The following SCTR variants were observed in gnomAD, a reference collection of about 807,000 sequenced individuals.
SCTR encodes pancreatic secretin receptor.
SCTR carries 56 observed loss-of-function variants against 60.8 expected under a neutral mutation model. The ratio of observed to expected loss-of-function variants is 0.92; its 90% confidence interval spans 0.74 to 1.15. The LOEUF (loss-of-function observed/expected upper bound fraction) is 1.15. Among genes scored for constraint, SCTR ranks in the 50% most tolerant of loss-of-function variants. The pLI, the probability that SCTR is intolerant of heterozygous loss-of-function variation, is 0.00. For missense variants in SCTR, 562 were observed against 550.4 expected, an observed-to-expected ratio of 1.02 and a Z score of -0.21; for synonymous variants, 202 against 217.0, an observed-to-expected ratio of 0.93 and a Z score of 0.61.
At chr2:119,499,357 A>T (rs1166579160) in intron 1 of SCTR, among the ~76,000 whole-genome samples, 1 of 152,088 alleles carries the variant, frequency 6.6e-6, no homozygotes, top group African/African-American at 2.4e-5. Context: ...AAACACCATT[A>T]ACAAAGACAA....
chr2:119,517,841 G>A lies in SCTR; in HGVS notation c.72+6314C>T, dbSNP rs567212209. Among the ~76,000 whole-genome samples the A allele has an allele frequency of 2.6e-5, 4 of 152,308 alleles. No individual in the cohort carries two copies. The East Asian group carries it at 7.7e-4, about 29-fold the overall frequency. On this transcript the variant is annotated intron_variant, in intron 1 of 12. Transcript: ENST00000019103. Reference sequence around the variant, plus strand: ...ACAGCCTCTCTTCCACTTGGATGCTGTTATGGACTGAATGTGTCTCCACTA... The same window carrying A: ...ACAGCCTCTCTTCCACTTGGATGCTATTATGGACTGAATGTGTCTCCACTA...
intron 2 of SCTR, among the ~76,000 whole-genome samples, chr2:119,492,404 A>G (rs1452131671): frequency 6.6e-6 from 1 of 152,272 alleles, no homozygotes; most frequent in South Asian, 2.1e-4. Flanking sequence ...CTAAATAAGC[A>G]TTCTTTGAAT....
chr2:119,452,207 G>A, intron 8 of SCTR, 128 bp from the exon 9 acceptor site: 1 of 658,358 alleles, frequency 1.5e-6, no homozygotes, highest in Non-Finnish European at 2.8e-6. Context: ...AGCCCCTGCA[G>A]TGGTGTGCCC....
At chr2:119,449,889 T>C (rs1431876749) in intron 9 of SCTR, among the ~76,000 whole-genome samples, 3 of 150,272 alleles carry the variant, frequency 2.0e-5, no homozygotes, top group Non-Finnish European at 4.4e-5. Flanking sequence ...TAGTTTAATT[T>C]TGTTTGCCTT....
At chr2:119,468,269 G>C (rs924669791) in intron 4 of SCTR, among the ~76,000 whole-genome samples, 1 of 152,146 alleles carries the variant, frequency 6.6e-6, no homozygotes, top group East Asian at 1.9e-4. Context: ...AATAGAATAG[G>C]GGAAACCTGG....
At chr2:119,524,064 C>G in intron 1 of SCTR, 91 bp downstream of exon 1, 3 of 946,716 alleles carry the variant, frequency 3.2e-6, no homozygotes. Flanking sequence ...ATCTGCTAGT[C>G]CCTCTCCACC....
At chr2:119,481,975 C>A (rs1677629926) in intron 2 of SCTR, among the ~76,000 whole-genome samples, 2 of 152,166 alleles carry the variant, frequency 1.3e-5, no homozygotes, top group Non-Finnish European at 2.9e-5. Context: ...CATGGCGGTG[C>A]CCCCAGTTCC....
At chr2:119,451,018 T>C (rs1014710208) in intron 9 of SCTR, among the ~76,000 whole-genome samples, 1 of 151,816 alleles carries the variant, frequency 6.6e-6, no homozygotes, top group African/African-American at 2.4e-5. Flanking sequence ...TCAGATTATG[T>C]AATTAAAAAA....
Position 119,441,584 on chromosome 2 carries a change from C to T in SCTR, c.1156G>A (p.Val386Ile), listed in dbSNP as rs184299896. The T allele has an allele frequency of 2.4e-5, 39 of 1,612,968 alleles. No homozygotes were observed. Among genetic ancestry groups the T allele is most frequent in the African/African-American group, 2.0e-4 (15 of 75,032 alleles). Reference protein sequence around the residue: ...LGSFQGLVVAVLYCFLNGEVQ... With the variant: ...LGSFQGLVVAILYCFLNGEVQ... Reference sequence around the variant, plus strand: ...TCCCCATTGAGGAAGCAGTAGAGGACGGCCACCACCAGTCCCTGCCAGAAG... The same window carrying T: ...TCCCCATTGAGGAAGCAGTAGAGGATGGCCACCACCAGTCCCTGCCAGAAG... The change falls in exon 12 of 13, where the codon GTC (valine) becomes ATC (isoleucine). Residue 386 changes from valine (V) to isoleucine (I), a missense_variant. Transcript: ENST00000019103.
chr2:119,465,733 C>G, intron 5 of SCTR, 56 bp downstream of exon 5: 2 of 1,237,290 alleles, frequency 1.6e-6, no homozygotes, highest in Non-Finnish European at 2.4e-6. Flanking sequence ...GAGAAGAGAC[C>G]CAAAGTCTGT....
intron 2 of SCTR, among the ~76,000 whole-genome samples, chr2:119,493,641 C>CTTTT (rs35864019): frequency 4.4e-4 from 58 of 133,266 alleles, no homozygotes; most frequent in Non-Finnish European, 6.0e-4. Flanking sequence ...CATTCTTCTT[C>CTTTT]TTTTTTTTTT....
chr2:119,501,474 G>C (rs1179441195), intron 1 of SCTR, among the ~76,000 whole-genome samples: 3 of 152,124 alleles, frequency 2.0e-5, no homozygotes, highest in African/African-American at 7.2e-5. Context: ...CTGCTGGGAA[G>C]GGTGGGGGAG....
intron 1 of SCTR, among the ~76,000 whole-genome samples, chr2:119,507,146 G>T (rs1364822608): frequency 1.3e-5 from 2 of 152,276 alleles, no homozygotes; most frequent in East Asian, 3.9e-4. Flanking sequence ...CATCTAGCTA[G>T]GTAAAGTATG....
At chr2:119,516,264 C>A (rs558075601) in intron 1 of SCTR, among the ~76,000 whole-genome samples, 1 of 152,292 alleles carries the variant, frequency 6.6e-6, no homozygotes, top group South Asian at 2.1e-4. Context: ...GGTACCTGTG[C>A]CCCCATGCTC....
intron 1 of SCTR, among the ~76,000 whole-genome samples, chr2:119,503,974 T>C (rs1253944457): frequency 6.6e-6 from 1 of 152,214 alleles, no homozygotes; most frequent in Admixed American, 6.5e-5. Context: ...ATTCTATTAA[T>C]TTTAAGAAAA....
chr2:119,478,871 G>A lies in SCTR; in HGVS notation c.241C>T (p.Pro81Ser). ...CATTCCACCTCCACCATCCGGCCCG[G>A]CACAGAAGAGGGCCAGCAGCTTATG... is the stretch of plus-strand genomic sequence containing the variant. Reference protein sequence around the residue: ...DNISCWPSSVPGRMVEVECPR... With the variant: ...DNISCWPSSVSGRMVEVECPR... The change falls in exon 3 of 13, where the codon CCG becomes TCG. Residue 81 changes from proline to serine, a missense_variant. By Grantham distance (74) the Pro-to-Ser change is moderately conservative (BLOSUM62 -1). Coordinates refer to ENST00000019103, the MANE Select transcript of SCTR (RefSeq NM_002980.3). 6.2e-7 allele frequency: 1 copy of A among 1,614,194 alleles called. No homozygotes were observed. The highest frequency in any genetic ancestry group is 2.2e-5 in the East Asian group (1 of 44,886).
chr2:119,455,037 CT>C (rs34554408), intron 7 of SCTR, among the ~76,000 whole-genome samples: 122,165 of 151,370 alleles, frequency 0.81, 49,927 homozygotes, highest in East Asian at 0.91. Flanking sequence ...GGCTCAGATT[CT>C]TTTTTTTTTA....
intron 4 of SCTR, among the ~76,000 whole-genome samples, chr2:119,472,261 G>A (rs145801393): frequency 7.9e-5 from 12 of 152,348 alleles, no homozygotes; most frequent in Middle Eastern, 3.4e-3. Flanking sequence ...AGCCCTTCCC[G>A]TGGGGAGGGG....
intron 2 of SCTR, among the ~76,000 whole-genome samples, chr2:119,483,289 C>T (rs1199881043): frequency 6.6e-6 from 1 of 152,212 alleles, no homozygotes; most frequent in Non-Finnish European, 1.5e-5. Context: ...AGGGTCACTG[C>T]CCCACGGCGG....
Sources: allele counts gnomAD v4.1 joint callset (sites outside exome capture counted in the v4.1 genomes callset), GRCh38; gene constraint gnomAD v4.1.1; transcripts MANE v1.5; gene names NCBI Gene and HGNC (gene_info 2026-07-23, HGNC 2026-07-21).